PRDM16: variants seen among roughly 807,000 people sequenced by gnomAD.
PRDM16 encodes histone-lysine N-methyltransferase PRDM16.
Under a neutral mutation model 110.6 loss-of-function variants are expected in PRDM16, and 23 were observed. The ratio of observed to expected loss-of-function variants is 0.21; its 90% CI spans 0.15 to 0.29. The LOEUF (loss-of-function observed/expected upper bound fraction) is 0.29, where lower values mean the gene tolerates loss of function less well. Ranked by LOEUF, PRDM16 falls within the 10% of genes least tolerant of loss-of-function variation. PRDM16 has a pLI of 1.00. For synonymous variants in PRDM16, 799 were observed against 781.8 expected (o/e 1.02, Z -0.37); for missense variants, 1,615 against 1,794.3 (o/e 0.90, Z 1.81).
Position 3,209,359 on chromosome 1 carries a change from C to T in PRDM16, c.387+22885C>T, listed in dbSNP as rs187197707. 2.0e-4 allele frequency among the ~76,000 whole-genome samples: 30 copies of T among 152,284 alleles called. 2 individuals are homozygous for T. In the East Asian group the frequency reaches 5.0e-3, roughly 26 times the overall value. On this transcript the variant is annotated intron_variant, in intron 2 of 16. Coordinates refer to ENST00000270722, the MANE Select transcript of PRDM16 (RefSeq NM_022114.4). The surrounding 1 kb of genome is among the most constrained non-coding windows in gnomAD (Gnocchi z 4.6). ...TCGGGGCACGCAGCTCCGACGTGGCCGGTCCCGACTGGCACACCTGCCCCG... is the reference window on the plus strand; with the variant it reads ...TCGGGGCACGCAGCTCCGACGTGGCTGGTCCCGACTGGCACACCTGCCCCG...
At chr1:3,365,374 G>A (rs1642790683) in intron 3 of PRDM16, among the ~76,000 whole-genome samples, 1 of 152,248 alleles carries the variant, frequency 6.6e-6, no homozygotes, top group Non-Finnish European at 1.5e-5. Context: ...GTCAGGAAGA[G>A]GAAAGGCGCG....
chr1:3,145,852 A>G (rs933699780), intron 1 of PRDM16, among the ~76,000 whole-genome samples: 1 of 152,288 alleles, frequency 6.6e-6, no homozygotes, highest in Non-Finnish European at 1.5e-5. Context: ...TTTCTGAGTG[A>G]GGTCTGACTC....
rs539031227 is a variant in PRDM16, at chr1:3,148,657, G to A, written c.38-37468G>A. 1.3e-5 allele frequency among the ~76,000 whole-genome samples: 2 copies of A among 152,238 alleles called. No individual in the cohort carries two copies. Among genetic ancestry groups the A allele is most frequent in the African/African-American group, 2.4e-5 (1 of 41,550 alleles). ...AGGTGGGCGGTGACTTGTCCTGGCCGAGCCAGCCCAGTCCTTCTGGAAGTC... is the reference window on the plus strand; with the variant it reads ...AGGTGGGCGGTGACTTGTCCTGGCCAAGCCAGCCCAGTCCTTCTGGAAGTC... On this transcript the variant is annotated intron_variant, in intron 1 of 16. Coordinates refer to ENST00000270722, the MANE Select transcript of PRDM16 (RefSeq NM_022114.4). The surrounding 1 kb of genome is among the most constrained non-coding windows in gnomAD (Gnocchi z 5.0).
chr1:3,405,372 AC>A, intron 7 of PRDM16, 122 bp from the exon 8 acceptor site: 2 of 1,146,326 alleles, frequency 1.7e-6, no homozygotes, highest in Non-Finnish European at 2.4e-6. Context: ...CTTGGTGCAG[AC>A]TGCAACGTGG....
At chr1:3,181,322 A>ATG (rs1557508702) in intron 1 of PRDM16, among the ~76,000 whole-genome samples, 1,230 of 44,640 alleles carry the variant, frequency 0.028, 5 homozygotes, top group Non-Finnish European at 0.042. Context: ...TTACACACGC[A>ATG]ATCTTACACA....
chr1:3,392,358 G>A (rs747262869), intron 4 of PRDM16, among the ~76,000 whole-genome samples: 8 of 152,108 alleles, frequency 5.3e-5, no homozygotes, highest in East Asian at 1.9e-4. Flanking sequence ...AGTTTATTAC[G>A]CTGGTCAAAA....
chr1:3,212,696 T>TCATCCTCCCGGCCCCCTCA (rs1330008564), intron 2 of PRDM16, among the ~76,000 whole-genome samples: 4 of 74,142 alleles, frequency 5.4e-5, no homozygotes, highest in South Asian at 5.6e-4. Flanking sequence ...TGCGGTCCTC[T>TCATCCTCCCGGCCCCCTCA]CTGCCACTGT....
rs1398673310 is a variant in PRDM16, at chr1:3,425,147, G to C, written c.2940-434G>C. The C allele has an allele frequency of 1.4e-5, 2 of 145,888 alleles. No individual in the cohort carries two copies. The highest frequency in any genetic ancestry group is 2.6e-5 in the African/African-American group (1 of 38,184). The allele number at this position is 145,888 out of a possible 1,614,324, so 9.0% of individuals were successfully genotyped here. Reference sequence around the variant, plus strand: ...GGCTGGAGTGCGGTGGCGTGATCTTGGCTCACTGCAAGCTCCGCCTCCCGG... The same window carrying C: ...GGCTGGAGTGCGGTGGCGTGATCTTCGCTCACTGCAAGCTCCGCCTCCCGG... On this transcript the variant is annotated intron_variant, in intron 12 of 16. Coordinates refer to ENST00000270722, the MANE Select transcript of PRDM16 (RefSeq NM_022114.4). The surrounding 1 kb of genome is among the most constrained non-coding windows in gnomAD (Gnocchi z 6.9).
intron 1 of PRDM16, among the ~76,000 whole-genome samples, chr1:3,086,181 G>A (rs1489301031): frequency 1.3e-5 from 2 of 152,168 alleles, no homozygotes; most frequent in African/African-American, 4.8e-5. Flanking sequence ...TGGGGAACCT[G>A]AGGTTGCTCA....
intron 3 of PRDM16, among the ~76,000 whole-genome samples, chr1:3,276,387 A>AG (rs148157348): frequency 0.026 from 4,003 of 152,092 alleles, 167 homozygotes; most frequent in African/African-American, 0.087. Context: ...GATGGAAAGC[A>AG]CCCCTGAACC....
intron 1 of PRDM16, among the ~76,000 whole-genome samples, chr1:3,141,331 G>C (rs532305565): frequency 3.3e-5 from 5 of 152,300 alleles, no homozygotes; most frequent in African/African-American, 1.2e-4. Context: ...GGGCTGGGCG[G>C]TAATTTATGA....
At chr1:3,428,470 G>A (rs1008938074) in intron 14 of PRDM16, among the ~76,000 whole-genome samples, 1 of 152,196 alleles carries the variant, frequency 6.6e-6, no homozygotes, top group Non-Finnish European at 1.5e-5. Context: ...CAGAACATAC[G>A]GGCACAGCCG....
Position 3,181,462 on chromosome 1 carries a change from G to A in PRDM16, c.38-4663G>A, listed in dbSNP as rs146847307. Among the ~76,000 whole-genome samples, 63 of 17,904 alleles carry A rather than the reference G, an allele frequency of 3.5e-3. 8 individuals carry two copies. Among genetic ancestry groups the A allele is most frequent in the Middle Eastern group, 0.062 (1 of 16 alleles). The allele number at this position is 17,904 out of a possible 152,430, so 11.7% of individuals were successfully genotyped here. On this transcript the variant is annotated intron_variant, in intron 1 of 16. Coordinates refer to ENST00000270722, the MANE Select transcript of PRDM16 (RefSeq NM_022114.4). ...AGCAGTCTTACACGGTCTTACACAC[G>A]GTCTTACACACGCAGTCTTACACAC...
Position 3,356,260 on chromosome 1 carries a change from GC to G in PRDM16, c.439-28884del, listed in dbSNP as rs1280946804. Among the ~76,000 whole-genome samples, 691 of 152,154 alleles carry G rather than the reference GC, an allele frequency of 4.5e-3. 9 individuals carry two copies. The highest frequency in any genetic ancestry group is 0.016 in the African/African-American group (648 of 41,502). On this transcript the variant is annotated intron_variant, in intron 3 of 16. Coordinates refer to ENST00000270722, the MANE Select transcript of PRDM16 (RefSeq NM_022114.4). ...CTGGTGTTTGTGGAATTGTTCCAAAGCCCCCCCCAGCCCCCCTGCGCCAAGC... is the reference window on the plus strand; with the variant it reads ...CTGGTGTTTGTGGAATTGTTCCAAAGCCCCCCCAGCCCCCCTGCGCCAAGC...
intron 3 of PRDM16, among the ~76,000 whole-genome samples, chr1:3,357,926 G>A (rs898889292): frequency 6.6e-6 from 1 of 152,224 alleles, no homozygotes; most frequent in Non-Finnish European, 1.5e-5. Flanking sequence ...GAGAAACCCT[G>A]TGGTCTCATA....
At chr1:3,405,064 AG>A (rs1643537216) in intron 7 of PRDM16, among the ~76,000 whole-genome samples, 178 bp downstream of exon 7, 1 of 152,038 alleles carries the variant, frequency 6.6e-6, no homozygotes, top group African/African-American at 2.4e-5. Context: ...AGGAAGTCTC[AG>A]GGAAGACCGT....
Position 3,244,102 on chromosome 1 carries a change from G to A in PRDM16, c.403G>A (p.Val135Met), listed in dbSNP as rs372159539. Residue 135 changes from valine (V) to methionine (M), a missense_variant, in exon 3 of 17, where the codon GTG becomes ATG. Coordinates refer to ENST00000270722, the MANE Select transcript of PRDM16 (RefSeq NM_022114.4). The surrounding 1 kb of genome is among the most constrained non-coding windows in gnomAD (Gnocchi z 4.1). ...TGTTTTGCAGCAAATACTGACGGAC[G>A]TGGAAGTGTCGCCCCAGGAAGGCTG... ...DFGWEQILTD[V>M]EVSPQEGCIT... The A allele has an allele frequency of 3.2e-5, 52 of 1,613,854 alleles. 1 individual carries two copies. In the South Asian group the frequency reaches 3.3e-4, roughly 10 times the overall value.
chr1:3,144,703 T>C (rs928269095), intron 1 of PRDM16, among the ~76,000 whole-genome samples: 2 of 152,206 alleles, frequency 1.3e-5, no homozygotes, highest in African/African-American at 4.8e-5. Flanking sequence ...ACAGATGGGC[T>C]ATGCACCCAG....
At position 3,433,066 on chromosome 1, in the gene PRDM16, G is replaced by A. The variant is rs545408463; in HGVS notation, c.3697-611G>A. Among the ~76,000 whole-genome samples, 138 of 152,322 alleles carry A rather than the reference G, an allele frequency of 9.1e-4. No individual in the cohort carries two copies. The South Asian group carries it at 0.012, about 13-fold the overall frequency. On this transcript the variant is annotated intron_variant, in intron 16 of 16. Transcript: ENST00000270722. The stretch of plus-strand genomic sequence containing the variant: ...TTGTTGACCCCCAGTTCCCAGGGCC[G>A]TCCCAAACCAGACACGTGTCTGTAG...
Sources: allele counts gnomAD v4.1 joint callset (sites outside exome capture counted in the v4.1 genomes callset), GRCh38; gene constraint gnomAD v4.1.1; non-coding constraint Gnocchi (gnomAD v3.1); transcripts MANE v1.5; gene names NCBI Gene and HGNC (gene_info 2026-07-23, HGNC 2026-07-21).